HACE1: variants seen among roughly 807,000 people sequenced by gnomAD.
HACE1 encodes HECT domain and ankyrin repeat containing E3 ubiquitin protein ligase 1.
Under a neutral mutation model 118.4 loss-of-function variants are expected in HACE1, and 73 were observed. The observed-to-expected ratio is 0.62, with a 90% CI of 0.51 to 0.75. HACE1 has a LOEUF of 0.75. Among genes scored for constraint, HACE1 ranks in the 30% least tolerant of loss-of-function variants. HACE1 has a pLI of 0.00. For missense variants in HACE1, 749 were observed against 1,102.2 expected (o/e 0.68, Z 4.54); for synonymous variants, 368 against 374.8 (o/e 0.98, Z 0.21).
At chr6:104,811,592 T>C (rs1771634612) in intron 6 of HACE1, among the ~76,000 whole-genome samples, 199 bp from the exon 7 acceptor site, 1 of 152,020 alleles carries the variant, frequency 6.6e-6, no homozygotes, top group South Asian at 2.1e-4. Context: ...ACAACACACA[T>C]ATATGTGGAA....
At chr6:104,765,678 TTTCAC>T (rs1280891544) in intron 19 of HACE1, among the ~76,000 whole-genome samples, 3 of 152,178 alleles carry the variant, frequency 2.0e-5, no homozygotes, top group African/African-American at 7.2e-5. Flanking sequence ...TCCCTTCAAT[TTTCAC>T]TTCATTATGA....
chr6:104,790,586 C>G (rs1782922451), intron 11 of HACE1, among the ~76,000 whole-genome samples: 1 of 152,052 alleles, frequency 6.6e-6, no homozygotes. Context: ...AGCCCCATCT[C>G]TAACAAAAAA....
At chr6:104,781,653 AAT>A (rs1562355970) in intron 14 of HACE1, among the ~76,000 whole-genome samples, 5 of 152,102 alleles carry the variant, frequency 3.3e-5, no homozygotes. Flanking sequence ...GTATGTAACC[AAT>A]CTCCAATCAC....
chr6:104,837,329 G>C (rs947395499), intron 5 of HACE1, among the ~76,000 whole-genome samples: 1 of 152,164 alleles, frequency 6.6e-6, no homozygotes, highest in Non-Finnish European at 1.5e-5. Context: ...GTCCACAAGT[G>C]GGTCCACACA....
chr6:104,764,703 C>A (rs1779780551), intron 19 of HACE1, among the ~76,000 whole-genome samples: 1 of 152,184 alleles, frequency 6.6e-6, no homozygotes, highest in Non-Finnish European at 1.5e-5. Flanking sequence ...AATGAATGAG[C>A]AATTGGAGCC....
chr6:104,779,054 A>G (rs1413022140), intron 14 of HACE1, among the ~76,000 whole-genome samples: 2 of 152,244 alleles, frequency 1.3e-5, no homozygotes, highest in Non-Finnish European at 2.9e-5. Context: ...GAACAAAGGT[A>G]AAGTTGGAGA....
At chr6:104,856,683 C>G (rs768058391) in intron 1 of HACE1, among the ~76,000 whole-genome samples, 1 of 152,162 alleles carries the variant, frequency 6.6e-6, no homozygotes, top group South Asian at 2.1e-4. Context: ...GATCCACCCA[C>G]GTCGGCCTCC....
chr6:104,794,004 T>C lies in HACE1; in HGVS notation c.923+1575A>G, dbSNP rs531508886. ...TCATGGGTTCCTTTTTCCTACCCTG[T>C]TTCTCCTGTCCCACCAACCACCCCT... On this transcript the variant is annotated intron_variant, in intron 10 of 23. Coordinates refer to ENST00000262903, the MANE Select transcript of HACE1 (RefSeq NM_020771.4). Among the ~76,000 whole-genome samples, 248 of 152,316 alleles carry C rather than the reference T, an allele frequency of 1.6e-3. 1 individual carries two copies. The highest frequency in any genetic ancestry group is 3.4e-3 in the Middle Eastern group (1 of 294).
At chr6:104,733,257 C>T (rs913932593) in intron 22 of HACE1, among the ~76,000 whole-genome samples, 3 of 152,134 alleles carry the variant, frequency 2.0e-5, no homozygotes, top group Admixed American at 6.5e-5. Flanking sequence ...ATGTCCTCCA[C>T]ACAAGTAAAT....
chr6:104,810,794 G>A (rs1771516962), intron 7 of HACE1, among the ~76,000 whole-genome samples: 1 of 151,938 alleles, frequency 6.6e-6, no homozygotes, highest in Non-Finnish European at 1.5e-5. Flanking sequence ...ATAACTTAAT[G>A]TATAACAATA....
At chr6:104,789,401 TA>T (rs1782766340) in intron 11 of HACE1, among the ~76,000 whole-genome samples, 1 of 152,012 alleles carries the variant, frequency 6.6e-6, no homozygotes, top group Admixed American at 6.5e-5. Context: ...AGCAGTACCT[TA>T]AAAAATGAAA....
rs1419831722 is a variant in HACE1 at position 104,849,867 on chromosome 6, G to T, written c.222-621C>A. 7.4e-5 allele frequency among the ~76,000 whole-genome samples: 11 copies of T among 149,384 alleles called. No individual in the cohort carries two copies. In the South Asian group the frequency reaches 1.7e-3, roughly 23 times the overall value. On this transcript the variant is annotated intron_variant, in intron 3 of 23. Transcript: ENST00000262903. The stretch of plus-strand genomic sequence containing the variant: ...GGGTTTCACCATGTTAGCCAGGATG[G>T]TCTCAATCTCCTGACCTCAAGATCC...
chr6:104,844,183 G>A (rs947657194), intron 4 of HACE1, among the ~76,000 whole-genome samples: 20 of 149,724 alleles, frequency 1.3e-4, no homozygotes, highest in African/African-American at 4.7e-4. Flanking sequence ...GATTTCAGGC[G>A]CATGCCACCA....
At chr6:104,840,102 A>C (rs1176885123) in intron 5 of HACE1, among the ~76,000 whole-genome samples, 2 of 152,168 alleles carry the variant, frequency 1.3e-5, no homozygotes, top group African/African-American at 4.8e-5. Context: ...AGTTTTGCAA[A>C]ATGTTACCAC....
rs1392304914 is a variant in HACE1, at chr6:104,859,837, T to C, written c.-195A>G. On this transcript the variant is annotated 5_prime_UTR_variant, in exon 1 of 24. Coordinates refer to ENST00000262903, the MANE Select transcript of HACE1 (RefSeq NM_020771.4). ...CCGGGCTGCTGCCGGACCGACCACCTACAGTACACCCGCCGCCGCCTCTGC... is the reference window on the plus strand; with the variant it reads ...CCGGGCTGCTGCCGGACCGACCACCCACAGTACACCCGCCGCCGCCTCTGC... The C allele has an allele frequency of 9.4e-6, 5 of 529,690 alleles. No homozygotes were observed. Among genetic ancestry groups the C allele is most frequent in the Non-Finnish European group, 1.6e-5 (5 of 305,980 alleles). The allele number at this position is 529,690 out of a possible 1,614,324, so 32.8% of individuals were successfully genotyped here.
At chr6:104,791,708 A>T (rs562867655) in intron 10 of HACE1, 54 bp from the exon 11 acceptor site, 1 of 1,190,662 alleles carries the variant, frequency 8.4e-7, no homozygotes, top group African/African-American at 1.5e-5. Flanking sequence ...ACATATTAAA[A>T]TACTTATTTT....
chr6:104,845,631 C>CTA (rs1775592703), intron 4 of HACE1: 1 of 152,110 alleles, frequency 6.6e-6, no homozygotes, highest in South Asian at 2.1e-4. Flanking sequence ...GCACCCGCCA[C>CTA]CATGCCTGGC....
chr6:104,766,170 C>G (rs1021212200), intron 19 of HACE1, among the ~76,000 whole-genome samples: 1 of 152,166 alleles, frequency 6.6e-6, no homozygotes, highest in African/African-American at 2.4e-5. Flanking sequence ...CAGTGGGGAA[C>G]CTGCTCTTGG....
chr6:104,843,444 T>C (rs1775307682), intron 4 of HACE1, 146 bp from the exon 5 acceptor site: 5 of 670,326 alleles, frequency 7.5e-6, no homozygotes, highest in Admixed American at 2.2e-5. Flanking sequence ...ATCTGCAATA[T>C]TTAAACAAAC....
Sources: allele counts gnomAD v4.1 joint callset (sites outside exome capture counted in the v4.1 genomes callset), GRCh38; gene constraint gnomAD v4.1.1; transcripts MANE v1.5; gene names NCBI Gene and HGNC (gene_info 2026-07-23, HGNC 2026-07-21).